Variants in HECTD4 observed in about 807,000 individuals in gnomAD.
The protein encoded by HECTD4 is HECT domain E3 ubiquitin protein ligase 4, also known as probable E3 ubiquitin-protein ligase HECTD4.
HECTD4 carries 114 observed loss-of-function variants against 471.5 expected under a neutral mutation model. The ratio of observed to expected loss-of-function variants is 0.24; its 90% CI spans 0.21 to 0.28. The LOEUF (loss-of-function observed/expected upper bound fraction) is 0.28. HECTD4 is among the 10% of genes least tolerant of loss of function. The probability of loss-of-function intolerance (pLI) is 1.00; values close to 1 mark genes in which losing one functional copy is unlikely to be tolerated. For synonymous variants in HECTD4, 2,012 were observed against 2,256.0 expected (o/e 0.89, Z 3.07); for missense variants, 3,866 against 5,651.5 (o/e 0.68, Z 10.13).
intron 4 of HECTD4, among the ~76,000 whole-genome samples, chr12:112,309,917 G>C (rs182220886): frequency 1.3e-5 from 2 of 152,074 alleles, no homozygotes; most frequent in Non-Finnish European, 2.9e-5. Context: ...GGTTTAGCCC[G>C]CCAAATGTTT....
Position 112,175,823 on chromosome 12 carries a change from T to A in HECTD4, c.11507A>T (p.His3836Leu). 6.2e-7 allele frequency: 1 copy of A among 1,613,610 alleles called. No homozygotes were observed. The highest frequency in any genetic ancestry group is 1.7e-4 in the Middle Eastern group (1 of 6,042). ...CCTGGCTCGGTCAATAACAAATTTG[T>A]GAAATCCTTCCAGCGTCAGGTATTT... ...EEKYLTLEGF[H>L]KFVIDRARQD... Residue 3836 changes from histidine (H) to leucine (L), a missense_variant, in exon 66 of 76, where the codon CAC (histidine) becomes CTC (leucine). Around this residue, in one of 16 missense-constraint regions of HECTD4, gnomAD observed 715 missense variants for 1,087.6 expected, o/e 0.66. Transcript: ENST00000682272.
At chr12:112,266,451 T>C (rs2034273934) in intron 14 of HECTD4, among the ~76,000 whole-genome samples, 1 of 152,248 alleles carries the variant, frequency 6.6e-6, no homozygotes. Context: ...GCTTTCAATC[T>C]GGTTGAAGTG....
chr12:112,369,374 C>T (rs1408161364), intron 1 of HECTD4, among the ~76,000 whole-genome samples: 1 of 147,580 alleles, frequency 6.8e-6, no homozygotes, highest in Non-Finnish European at 1.5e-5. Flanking sequence ...CAGAGTCTCG[C>T]TCTGTCATCC....
intron 41 of HECTD4, 91 bp downstream of exon 41, chr12:112,229,607 G>A (rs2033323716): frequency 3.9e-6 from 5 of 1,284,250 alleles, no homozygotes; most frequent in South Asian, 1.4e-5. Context: ...ACAGCTGGTT[G>A]GATAATACTT....
In HECTD4 at chr12:112,216,754, A is replaced by T; in HGVS notation, c.7385+19T>A. 6.2e-7 allele frequency: 1 copy of T among 1,611,284 alleles called. No individual in the cohort carries two copies. Among genetic ancestry groups the T allele is most frequent in the Non-Finnish European group, 8.5e-7 (1 of 1,177,676 alleles). ...GAGGCTACTGCTCTCTGTCACACTGAGCTACTTCTTTTACTTACTTATGGA... is the reference window on the plus strand; with the variant it reads ...GAGGCTACTGCTCTCTGTCACACTGTGCTACTTCTTTTACTTACTTATGGA... On this transcript the variant is annotated intron_variant, in intron 47 of 75. Coordinates refer to ENST00000682272, the MANE Select transcript of HECTD4 (RefSeq NM_001388303.1).
rs1282237176 is a variant in HECTD4, at chr12:112,243,567, A to C, written c.4792-48T>G. 1 of 1,601,204 alleles carries C rather than the reference A, an allele frequency of 6.2e-7. No homozygotes were observed. The highest frequency in any genetic ancestry group is 8.5e-7 in the Non-Finnish European group (1 of 1,173,272). ...CCTGACTCCTGCTAACTGCCGCAAG[A>C]CCCCGCATGCTGTTAGGTGCTATTC... On this transcript the variant is annotated intron_variant, in intron 31 of 75. Transcript: ENST00000682272. The surrounding 1 kb of genome is among the most constrained non-coding windows in gnomAD (Gnocchi z 6.6).
chr12:112,222,163 C>T (rs1006102718), intron 44 of HECTD4, among the ~76,000 whole-genome samples: 5 of 152,272 alleles, frequency 3.3e-5, no homozygotes, highest in Admixed American at 6.5e-5. Context: ...CCTCATGATC[C>T]GCCTGCCTTG....
intron 4 of HECTD4, among the ~76,000 whole-genome samples, chr12:112,311,679 T>G (rs1171075552): frequency 6.6e-6 from 1 of 151,172 alleles, no homozygotes; most frequent in Non-Finnish European, 1.5e-5. Context: ...AGAAAACCAT[T>G]TCTCCCTAGA....
At chr12:112,291,161 A>C (rs2034876870) in intron 7 of HECTD4, among the ~76,000 whole-genome samples, 1 of 152,116 alleles carries the variant, frequency 6.6e-6, no homozygotes, top group Non-Finnish European at 1.5e-5. Context: ...ACATGTAAAA[A>C]ATGTTTCTTT....
rs929413015 is a variant in HECTD4, at chr12:112,188,782, C to T, written c.9472+2004G>A. Among the ~76,000 whole-genome samples the T allele has an allele frequency of 6.6e-6, 1 of 152,202 alleles. No homozygotes were observed. The highest frequency in any genetic ancestry group is 2.4e-5 in the African/African-American group (1 of 41,446). On this transcript the variant is annotated intron_variant, in intron 60 of 75. Coordinates refer to ENST00000682272, the MANE Select transcript of HECTD4 (RefSeq NM_001388303.1). The surrounding 1 kb of genome is among the most constrained non-coding windows in gnomAD (Gnocchi z 4.2). ...GGTTGGAAACAAGTTTGTGACTGTCCTGGAACATGGGCTCTCATAGAACCT... is the reference window on the plus strand; with the variant it reads ...GGTTGGAAACAAGTTTGTGACTGTCTTGGAACATGGGCTCTCATAGAACCT...
intron 44 of HECTD4, among the ~76,000 whole-genome samples, chr12:112,219,774 A>G (rs2033038413): frequency 1.3e-5 from 2 of 150,586 alleles, no homozygotes; most frequent in Admixed American, 1.3e-4. Context: ...TAATTTTTGT[A>G]TTTTTAGTAG....
intron 7 of HECTD4, chr12:112,302,512 T>C (rs1328562987): frequency 4.1e-6 from 3 of 734,856 alleles, no homozygotes; most frequent in Non-Finnish European, 7.5e-6. Flanking sequence ...TTTCACAAAG[T>C]AGGTGAGTTC....
In HECTD4 at chr12:112,173,084, C is replaced by T. The variant is rs184882908; in HGVS notation, c.11595-223G>A. On this transcript the variant is annotated intron_variant, in intron 66 of 75. Transcript: ENST00000682272. The surrounding 1 kb of genome is among the most constrained non-coding windows in gnomAD (Gnocchi z 4.3). ...GTGGGAGTGGGAATGCTGCATCCTTCTGGGAGGTGGCACCATGCACCCACC... is the reference window on the plus strand; with the variant it reads ...GTGGGAGTGGGAATGCTGCATCCTTTTGGGAGGTGGCACCATGCACCCACC... Among the ~76,000 whole-genome samples, 1,032 of 152,316 alleles carry T rather than the reference C, an allele frequency of 6.8e-3. 5 individuals carry two copies. Among genetic ancestry groups the T allele is most frequent in the Non-Finnish European group, 0.01 (705 of 68,026 alleles).
At chr12:112,268,103 C>T (rs1281415171) in intron 13 of HECTD4, among the ~76,000 whole-genome samples, 3 of 152,212 alleles carry the variant, frequency 2.0e-5, no homozygotes, top group Non-Finnish European at 2.9e-5. Flanking sequence ...GGATTACAGG[C>T]ATGAGCTAAC....
rs766762021 is a variant in HECTD4 at position 112,264,146 on chromosome 12, T to C, written c.2686A>G (p.Ile896Val). 2.7e-5 allele frequency: 44 copies of C among 1,608,266 alleles called. No homozygotes were observed. Among genetic ancestry groups the C allele is most frequent in the Admixed American group, 5.1e-5 (3 of 59,224 alleles). The change falls in exon 17 of 76, where the codon ATT becomes GTT. Residue 896 changes from isoleucine to valine, a missense_variant. By Grantham distance (29) the Ile-to-Val change is conservative (BLOSUM62 3). This residue lies in a region of HECTD4 where 525 missense variants were observed against 672.6 expected (regional missense o/e 0.78). Coordinates refer to ENST00000682272, the MANE Select transcript of HECTD4 (RefSeq NM_001388303.1). ...CTGTCATCATTCTCATCAGGTTTAA[T>C]CAAAATAGTGTTACTGAGAAGGTGA... ...QNHLLSNTILIKPDENDDSDS... is the reference protein window; with the variant it reads ...QNHLLSNTILVKPDENDDSDS...
chr12:112,382,257 G>A lies in HECTD4; in HGVS notation c.-129C>T. On this transcript the variant is annotated 5_prime_UTR_variant, in exon 1 of 76. Transcript: ENST00000682272. ...CCAGCGGCGCCCCACTTGCTGCCTC[G>A]CCCGTGCAACTCCGCCCTAGGCGGT... The A allele has an allele frequency of 1.3e-6, 1 of 786,256 alleles. No homozygotes were observed. The highest frequency in any genetic ancestry group is 4.6e-5 in the Admixed American group (1 of 21,654). The allele number at this position is 786,256 out of a possible 1,614,324, so 48.7% of individuals were successfully genotyped here. A position where few individuals can be genotyped will look rare whatever the true frequency, so the allele number is the denominator to read the frequency against.
intron 1 of HECTD4, among the ~76,000 whole-genome samples, chr12:112,377,087 G>A (rs963099785): frequency 6.6e-6 from 1 of 152,012 alleles, no homozygotes; most frequent in Non-Finnish European, 1.5e-5. Context: ...ATTCCAGCCT[G>A]GGAAACAGAG....
intron 29 of HECTD4, among the ~76,000 whole-genome samples, 169 bp from the exon 30 acceptor site, chr12:112,244,178 A>G (rs1454980723): frequency 6.6e-6 from 1 of 152,068 alleles, no homozygotes; most frequent in East Asian, 2.0e-4. Flanking sequence ...TTTTTAACCT[A>G]AGTATTAGGT....
intron 1 of HECTD4, among the ~76,000 whole-genome samples, chr12:112,364,423 AT>A (rs974516279): frequency 1.2e-4 from 18 of 151,874 alleles, no homozygotes; most frequent in Non-Finnish European, 2.4e-4. Flanking sequence ...AAAAAAAAAA[AT>A]AAATAAATAA....
Sources: allele counts gnomAD v4.1 joint callset (sites outside exome capture counted in the v4.1 genomes callset), GRCh38; gene constraint gnomAD v4.1.1; regional missense constraint gnomAD v4.1.1; non-coding constraint Gnocchi (gnomAD v3.1); transcripts MANE v1.5; gene names NCBI Gene and HGNC (gene_info 2026-07-23, HGNC 2026-07-21).